Variants in EDNRA observed in about 807,000 individuals in gnomAD.
EDNRA encodes the protein endothelin receptor type A, also known as endothelin-1 receptor.
In EDNRA, 11 loss-of-function variants were observed where a neutral mutation model predicts 41.4. The ratio of observed to expected loss-of-function variants is 0.27; its 90% confidence interval spans 0.17 to 0.44. EDNRA has a LOEUF of 0.44. EDNRA is among the 20% of genes least tolerant of loss of function. The pLI is 1.00. For synonymous variants in EDNRA, 172 were observed against 183.0 expected, an observed-to-expected ratio of 0.94 and a Z score of 0.49; for missense variants, 294 against 531.0, an observed-to-expected ratio of 0.55 and a Z score of 4.39.
At chr4:147,501,246 A>G (rs1729507933) in intron 2 of EDNRA, among the ~76,000 whole-genome samples, 2 of 152,216 alleles carry the variant, frequency 1.3e-5, no homozygotes, top group South Asian at 2.1e-4. Flanking sequence ...TTGTCCTTCA[A>G]TTACTTTTTA....
intron 2 of EDNRA, among the ~76,000 whole-genome samples, chr4:147,507,155 A>C (rs1029107606): frequency 6.6e-6 from 1 of 152,182 alleles, no homozygotes; most frequent in Non-Finnish European, 1.5e-5. Flanking sequence ...CAAGAAAAAA[A>C]CAGTCAACTA....
At chr4:147,515,125 CT>C (rs1372796454) in intron 2 of EDNRA, among the ~76,000 whole-genome samples, 62 of 152,308 alleles carry the variant, frequency 4.1e-4, no homozygotes, top group African/African-American at 1.5e-3. Flanking sequence ...CCCTTAAAGA[CT>C]ACTAATGCTT....
intron 3 of EDNRA, among the ~76,000 whole-genome samples, chr4:147,528,503 C>T (rs1258249880): frequency 6.6e-6 from 1 of 151,798 alleles, no homozygotes; most frequent in East Asian, 1.9e-4. Flanking sequence ...TAGGCATGCA[C>T]CACCATGCCT....
intron 5 of EDNRA, among the ~76,000 whole-genome samples, chr4:147,539,431 T>C (rs1223705221): frequency 6.6e-6 from 1 of 151,336 alleles, no homozygotes; most frequent in Non-Finnish European, 1.5e-5. Context: ...GCTAACCCTT[T>C]CCCCCATGCA....
chr4:147,542,854 T>TA lies in EDNRA; in HGVS notation c.*242dup. 2.4e-6 allele frequency: 1 copy of TA among 414,998 alleles called. No homozygotes were observed. Among genetic ancestry groups the TA allele is most frequent in the Non-Finnish European group, 4.2e-6 (1 of 238,192 alleles). The allele number at this position is 414,998 out of a possible 1,614,324, so 25.7% of individuals were successfully genotyped here. On this transcript the variant is annotated 3_prime_UTR_variant, in exon 8 of 8. Coordinates refer to ENST00000651419, the MANE Select transcript of EDNRA (RefSeq NM_001957.4). ...ATATTCTGCGTGTTGTATTCAGCACTAAAAAATGGTGGGAGCTGGGGGAGA... is the reference window on the plus strand; with the variant it reads ...ATATTCTGCGTGTTGTATTCAGCACTAAAAAAATGGTGGGAGCTGGGGGAGA...
At chr4:147,508,581 T>C (rs1477006818) in intron 2 of EDNRA, among the ~76,000 whole-genome samples, 1 of 152,252 alleles carries the variant, frequency 6.6e-6, no homozygotes, top group African/African-American at 2.4e-5. Context: ...TGAACAGTTT[T>C]AGAGGCTTAG....
chr4:147,515,937 T>C (rs1730099504), intron 2 of EDNRA, among the ~76,000 whole-genome samples: 1 of 152,188 alleles, frequency 6.6e-6, no homozygotes, highest in Non-Finnish European at 1.5e-5. Context: ...ATGATGTTGA[T>C]TTTGATACAA....
intron 4 of EDNRA, among the ~76,000 whole-genome samples, chr4:147,534,343 G>T (rs1020294202): frequency 3.9e-5 from 6 of 152,206 alleles, no homozygotes; most frequent in African/African-American, 1.4e-4. Context: ...TCTACAGTGT[G>T]TTGGGAACAG....
chr4:147,487,788 C>T (rs2126375332), intron 2 of EDNRA, among the ~76,000 whole-genome samples: 1 of 152,332 alleles, frequency 6.6e-6, no homozygotes, highest in South Asian at 2.1e-4. Flanking sequence ...ATTACCATCT[C>T]TTTCCACAGG....
At chr4:147,483,821 G>A (rs1214010324) in intron 1 of EDNRA, among the ~76,000 whole-genome samples, 1 of 151,404 alleles carries the variant, frequency 6.6e-6, no homozygotes, top group African/African-American at 2.4e-5. Flanking sequence ...CTGGACTCAA[G>A]TGATTCTCCC....
intron 7 of EDNRA, among the ~76,000 whole-genome samples, chr4:147,541,735 C>T (rs189712169): frequency 7.9e-5 from 12 of 152,264 alleles, no homozygotes; most frequent in Non-Finnish European, 1.2e-4. Context: ...AGTTTGGGGC[C>T]GTATTTCTGA....
chr4:147,503,919 G>A (rs1729599871), intron 2 of EDNRA, among the ~76,000 whole-genome samples: 2 of 151,828 alleles, frequency 1.3e-5, no homozygotes, highest in Admixed American at 6.6e-5. Flanking sequence ...CCCATTAAAT[G>A]TTAACATAAA....
chr4:147,536,307 G>GCA (rs111741399), intron 5 of EDNRA, among the ~76,000 whole-genome samples: 8 of 151,812 alleles, frequency 5.3e-5, no homozygotes, highest in African/African-American at 1.9e-4. Context: ...GTGAGTTCGT[G>GCA]CATTCAATTG....
intron 3 of EDNRA, 81 bp downstream of exon 3, chr4:147,520,059 C>G (rs146311288): frequency 6.6e-6 from 10 of 1,515,666 alleles, no homozygotes; most frequent in Non-Finnish European, 8.9e-6. Flanking sequence ...CAAGAGAATT[C>G]GTGCCCAGGA....
At chr4:147,491,688 A>G (rs1729143389) in intron 2 of EDNRA, 1 of 152,210 alleles carries the variant, frequency 6.6e-6, no homozygotes, top group Non-Finnish European at 1.5e-5. Flanking sequence ...CAAGTTACCC[A>G]CCAAATTCCG....
At chr4:147,503,715 C>T (rs114771909) in intron 2 of EDNRA, among the ~76,000 whole-genome samples, 3,188 of 152,184 alleles carry the variant, frequency 0.021, 106 homozygotes, top group East Asian at 0.077. Context: ...TTCAGAGTTT[C>T]GTCGTCAAAA....
intron 2 of EDNRA, among the ~76,000 whole-genome samples, chr4:147,502,064 G>A (rs572218688): frequency 2.6e-5 from 4 of 152,140 alleles, no homozygotes; most frequent in African/African-American, 9.6e-5. Flanking sequence ...AAAATGTCAG[G>A]GAGGAAGTCT....
intron 2 of EDNRA, chr4:147,489,157 C>T (rs1729048458): frequency 6.6e-6 from 1 of 151,976 alleles, no homozygotes; most frequent in Non-Finnish European, 1.5e-5. Context: ...ATATTAATTG[C>T]TTTTCTTTTT....
At chr4:147,528,879 G>A (rs534439334) in intron 3 of EDNRA, among the ~76,000 whole-genome samples, 1 of 152,290 alleles carries the variant, frequency 6.6e-6, no homozygotes, top group African/African-American at 2.4e-5. Context: ...CATTCTCACA[G>A]GGGTGGGAAG....
Sources: gnomAD v4.1 joint callset for allele counts (sites outside exome capture counted in the v4.1 genomes callset) on GRCh38, gnomAD v4.1.1 for gene constraint, MANE v1.5 for transcripts, NCBI Gene and HGNC (gene_info 2026-07-23, HGNC 2026-07-21) for gene names.